ECPAS: variants seen among roughly 807,000 people sequenced by gnomAD.
ECPAS encodes the protein Ecm29 proteasome adaptor and scaffold, also known as proteasome adapter and scaffold protein ECM29.
Under a neutral mutation model 255.1 loss-of-function variants are expected in ECPAS, and 70 were observed. The observed-to-expected ratio is 0.27, with a 90% CI of 0.23 to 0.33. ECPAS has a LOEUF of 0.33. Ranked by LOEUF, ECPAS falls within the 10% of genes least tolerant of loss-of-function variation. ECPAS has a pLI of 1.00. For missense variants in ECPAS, 1,817 were observed against 2,206.4 expected (o/e 0.82, Z 3.54); for synonymous variants, 784 against 775.0 (o/e 1.01, Z -0.19).
In ECPAS at chr9:111,422,053, T is replaced by C. The variant is rs1246037201; in HGVS notation, c.1333-10A>G. 2.5e-6 allele frequency: 4 copies of C among 1,613,586 alleles called. No homozygotes were observed. The highest frequency in any genetic ancestry group is 2.5e-6 in the Non-Finnish European group (3 of 1,179,732). On this transcript the variant is annotated splice_polypyrimidine_tract_variant and intron_variant, in intron 14 of 49. Coordinates refer to ENST00000684092, the MANE Select transcript of ECPAS (RefSeq NM_001364929.1). ...GAGTCTCAGGCTCTTCCTATAAAGATGATAAAAATGTTTCCCTCCTTGTTG... is the reference window on the plus strand; with the variant it reads ...GAGTCTCAGGCTCTTCCTATAAAGACGATAAAAATGTTTCCCTCCTTGTTG...
At chr9:111,367,489 A>G (rs1250533871) in intron 46 of ECPAS, among the ~76,000 whole-genome samples, 2 of 152,192 alleles carry the variant, frequency 1.3e-5, no homozygotes, top group Admixed American at 6.6e-5. Context: ...TCTTTCTCAT[A>G]TAATTCCCTA....
In ECPAS at chr9:111,407,428, A is replaced by AAAAAAAAAAAAAAG. The variant is rs751687233; in HGVS notation, c.2652+1142_2652+1143insCTTTTTTTTTTTTT. On this transcript the variant is annotated intron_variant, in intron 24 of 49. Coordinates refer to ENST00000684092, the MANE Select transcript of ECPAS (RefSeq NM_001364929.1). ...GAAAAAAAAAAAAAAAAAAAAAAAA[A>AAAAAAAAAAAAAAG]AAAAAAAAAACCTAGAAGAAACCCA... Among the ~76,000 whole-genome samples, 91 of 98,818 alleles carry AAAAAAAAAAAAAAG rather than the reference A, an allele frequency of 9.2e-4. 3 individuals are homozygous for AAAAAAAAAAAAAAG. The highest frequency in any genetic ancestry group is 1.9e-3 in the Non-Finnish European group (73 of 38,754). The allele number at this position is 98,818 out of a possible 152,430, so 64.8% of individuals were successfully genotyped here. A position where few individuals can be genotyped will look rare whatever the true frequency, so the allele number is the denominator to read the frequency against.
At chr9:111,462,589 T>TA (rs1435259651) in intron 2 of ECPAS, among the ~76,000 whole-genome samples, 12 of 152,128 alleles carry the variant, frequency 7.9e-5, no homozygotes, top group Non-Finnish European at 1.8e-4. Flanking sequence ...ATGTAGTTTT[T>TA]AAAAACATAT....
At chr9:111,389,531 A>AC in intron 31 of ECPAS, 25 bp downstream of exon 31, 2 of 1,602,432 alleles carry the variant, frequency 1.2e-6, no homozygotes, top group South Asian at 1.1e-5. Flanking sequence ...GTGTTTTCCT[A>AC]ACACAGGGGT....
At chr9:111,476,704 C>A (rs369567799) in intron 1 of ECPAS, among the ~76,000 whole-genome samples, 6 of 151,814 alleles carry the variant, frequency 4.0e-5, no homozygotes, top group Non-Finnish European at 5.9e-5. Flanking sequence ...ACTCTGTCAC[C>A]CAGGCTGGAG....
chr9:111,442,432 A>G lies in ECPAS; in HGVS notation c.271-8T>C. 1 of 1,483,592 alleles carries G rather than the reference A, an allele frequency of 6.7e-7. No homozygotes were observed. The highest frequency in any genetic ancestry group is 9.3e-7 in the Non-Finnish European group (1 of 1,070,294). The allele number at this position is 1,483,592 out of a possible 1,614,324, so 91.9% of individuals were successfully genotyped here. The stretch of plus-strand genomic sequence containing the variant: ...ATAAATTATAGTAAAATTCTAATGC[A>G]ATAAGAGAAAAGCAAGTGAGTGTGA... On this transcript the variant is annotated splice_polypyrimidine_tract_variant and splice_region_variant and intron_variant, in intron 4 of 49. Coordinates refer to ENST00000684092, the MANE Select transcript of ECPAS (RefSeq NM_001364929.1).
At chr9:111,445,413 G>C (rs1358757984) in intron 3 of ECPAS, among the ~76,000 whole-genome samples, 1 of 151,874 alleles carries the variant, frequency 6.6e-6, no homozygotes, top group African/African-American at 2.4e-5. Context: ...ACTATGAAAA[G>C]AGAGACATAC....
intron 36 of ECPAS, 151 bp downstream of exon 36, chr9:111,378,429 C>T (rs1012585808): frequency 1.0e-5 from 7 of 692,324 alleles, no homozygotes; most frequent in African/African-American, 3.5e-5. Flanking sequence ...GAGCTGACAA[C>T]CTCTCTCCAA....
At chr9:111,442,232 A>G (rs2098246898) in intron 5 of ECPAS, 74 bp downstream of exon 5, 2 of 985,130 alleles carry the variant, frequency 2.0e-6, no homozygotes, top group Non-Finnish European at 3.1e-6. Context: ...GTAAAACCAA[A>G]TATGTGAATT....
At chr9:111,446,089 TG>T (rs1489282910) in intron 3 of ECPAS, among the ~76,000 whole-genome samples, 7 of 152,246 alleles carry the variant, frequency 4.6e-5, no homozygotes, top group Non-Finnish European at 8.8e-5. Flanking sequence ...GATGGACATT[TG>T]GGTTGGTTCC....
intron 29 of ECPAS, among the ~76,000 whole-genome samples, chr9:111,391,329 G>A (rs772460634): frequency 2.6e-5 from 4 of 152,146 alleles, no homozygotes; most frequent in Non-Finnish European, 4.4e-5. Flanking sequence ...TGTAATCCCA[G>A]CACTTTGGGA....
In ECPAS at chr9:111,412,120, A is replaced by G; in HGVS notation, c.2108T>C (p.Met703Thr). 1 of 1,590,308 alleles carries G rather than the reference A, an allele frequency of 6.3e-7. No homozygotes were observed. Among genetic ancestry groups the G allele is most frequent in the African/African-American group, 1.4e-5 (1 of 73,328 alleles). Residue 703 changes from methionine (M) to threonine (T), a missense_variant, in exon 21 of 50, where the codon ATG (methionine) becomes ACG (threonine). Coordinates refer to ENST00000684092, the MANE Select transcript of ECPAS (RefSeq NM_001364929.1). ...ATAAAACAACGCTGCCAGTTCGCGC[A>G]TTTCTTCTTTACTGTTATTCATCAG... ...KSLMNNSKEE[M>T]RELAALFYSV...
chr9:111,479,570 G>A (rs1420817150), intron 1 of ECPAS, among the ~76,000 whole-genome samples: 1 of 152,104 alleles, frequency 6.6e-6, no homozygotes, highest in Admixed American at 6.5e-5. Context: ...TCCAGCCTGG[G>A]CGACAGAGCA....
chr9:111,448,980 A>T (rs1272190857), intron 3 of ECPAS, among the ~76,000 whole-genome samples: 1 of 152,138 alleles, frequency 6.6e-6, no homozygotes, highest in Non-Finnish European at 1.5e-5. Context: ...TTGATGACCA[A>T]GCTTACCTTT....
intron 38 of ECPAS, 101 bp downstream of exon 38, chr9:111,375,012 G>T: frequency 1.2e-6 from 1 of 840,576 alleles, no homozygotes. Flanking sequence ...TATAATATTA[G>T]ATTTTGTGGT....
At chr9:111,367,990 G>A (rs1349683154) in intron 46 of ECPAS, among the ~76,000 whole-genome samples, 2 of 149,782 alleles carry the variant, frequency 1.3e-5, no homozygotes, top group African/African-American at 2.5e-5. Flanking sequence ...TGCAAGAACT[G>A]CACCACTGCA....
chr9:111,372,472 T>C lies in ECPAS; in HGVS notation c.4485A>G (p.Glu1495=), dbSNP rs1243743452. 3 of 1,613,932 alleles carry C rather than the reference T, an allele frequency of 1.9e-6. No homozygotes were observed. The highest frequency in any genetic ancestry group is 1.1e-5 in the South Asian group (1 of 91,078). The change falls in exon 42 of 50, where the codon GAA becomes GAG. Residue 1495 remains glutamate, a synonymous_variant. Transcript: ENST00000684092. ...ACACTTCGGTCCATAAATTACATTC[T>C]TCTTTTTCGGATTTCTCCTCATCAG... ...EIADEEKSEK[E]ECNLWTEVWQ... is the part of the protein sequence containing the mutation.
chr9:111,390,200 T>A lies in ECPAS; in HGVS notation c.3162-99A>T, dbSNP rs543223664. 9.3e-5 allele frequency: 59 copies of A among 635,502 alleles called. No homozygotes were observed. In the East Asian group the frequency reaches 1.6e-3, roughly 17 times the overall value. The allele number at this position is 635,502 out of a possible 1,614,324, so 39.4% of individuals were successfully genotyped here. A position where few individuals can be genotyped will look rare whatever the true frequency, so the allele number is the denominator to read the frequency against. On this transcript the variant is annotated intron_variant, in intron 29 of 49. Transcript: ENST00000684092. ...ATTACTAGGACATACTAAAATCAAA[T>A]TTTCACTCAATTTCTAATACTGAGT...
At chr9:111,380,895 G>A (rs2098139769) in intron 35 of ECPAS, among the ~76,000 whole-genome samples, 1 of 152,320 alleles carries the variant, frequency 6.6e-6, no homozygotes, top group South Asian at 2.1e-4. Context: ...CAGAATTGAA[G>A]AGAGTTAGGG....
Sources: allele counts gnomAD v4.1 joint callset (sites outside exome capture counted in the v4.1 genomes callset), GRCh38; gene constraint gnomAD v4.1.1; transcripts MANE v1.5; gene names NCBI Gene and HGNC (gene_info 2026-07-23, HGNC 2026-07-21).